Variants in PLEKHH1 observed in about 807,000 individuals in gnomAD.
PLEKHH1 encodes the protein pleckstrin homology domain-containing family H member 1.
In PLEKHH1, 104 loss-of-function variants were observed where a neutral mutation model predicts 160.0. The ratio of observed to expected loss-of-function variants is 0.65; its 90% CI spans 0.55 to 0.76. PLEKHH1 has a LOEUF of 0.76. Ranked by LOEUF, PLEKHH1 falls within the 30% of genes least tolerant of loss-of-function variation. The pLI, the probability that PLEKHH1 is intolerant of heterozygous loss-of-function variation, is 0.00. For synonymous variants in PLEKHH1, 619 were observed against 678.4 expected (o/e 0.91, Z 1.36); for missense variants, 1,427 against 1,724.1 (o/e 0.83, Z 3.05).
intron 2 of PLEKHH1, among the ~76,000 whole-genome samples, chr14:67,544,688 C>G (rs1463770143): frequency 6.6e-6 from 1 of 152,146 alleles, no homozygotes; most frequent in Non-Finnish European, 1.5e-5. Flanking sequence ...GACTTGAAAA[C>G]TAAATAGAAC....
chr14:67,562,223 C>T lies in PLEKHH1; in HGVS notation c.592C>T (p.Gln198Ter). Reference protein sequence around the residue: ...QDSVPSEPGIQPMGQDSGSQA... With the variant: ...QDSVPSEPGI ...TTCTGTCCCTTCAGAGCCGGGAATC[C>T]AGCCTATGGGCCAGGACAGTGGCTC... The change falls in exon 7 of 29, where the codon CAG (glutamine) becomes TAG (stop). Residue 198 changes from glutamine (Q) to a stop codon, truncating the protein, a stop_gained. Coordinates refer to ENST00000329153, the MANE Select transcript of PLEKHH1 (RefSeq NM_020715.3). LOFTEE classifies it high-confidence loss of function. 2 of 1,611,998 alleles carry T rather than the reference C, an allele frequency of 1.2e-6. No homozygotes were observed. The highest frequency in any genetic ancestry group is 1.7e-6 in the Non-Finnish European group (2 of 1,178,994).
intron 2 of PLEKHH1, among the ~76,000 whole-genome samples, chr14:67,550,667 A>T (rs920849811): frequency 3.9e-5 from 6 of 152,188 alleles, no homozygotes; most frequent in African/African-American, 1.4e-4. Flanking sequence ...AGAAAATATA[A>T]TGCTAGTGTG....
rs1439661977 is a variant in PLEKHH1 at position 67,575,988 on chromosome 14, G to C, written c.2335G>C (p.Gly779Arg). The C allele has an allele frequency of 6.2e-7, 1 of 1,612,080 alleles. No individual in the cohort carries two copies. Among genetic ancestry groups the C allele is most frequent in the East Asian group, 2.2e-5 (1 of 44,828 alleles). ...TEHSPTYLLI[G>R]TKHEKDTWLY... ...GCACAGCCCCACCTACCTCCTCATT[G>C]GCACCAAGCATGAAAAGGTAAGGAA... is the stretch of plus-strand genomic sequence containing the variant. The change falls in exon 16 of 29, where the codon GGC becomes CGC. Residue 779 changes from glycine (G) to arginine (R), a missense_variant. Around this residue, in one of 6 missense-constraint regions of PLEKHH1, gnomAD observed 436 missense variants for 607.5 expected, o/e 0.72. Coordinates refer to ENST00000329153, the MANE Select transcript of PLEKHH1 (RefSeq NM_020715.3).
chr14:67,576,015 A>G lies in PLEKHH1; in HGVS notation c.2352+10A>G. 1 of 1,598,482 alleles carries G rather than the reference A, an allele frequency of 6.3e-7. No homozygotes were observed. The highest frequency in any genetic ancestry group is 8.6e-7 in the Non-Finnish European group (1 of 1,168,800). On this transcript the variant is annotated intron_variant, in intron 16 of 28. Coordinates refer to ENST00000329153, the MANE Select transcript of PLEKHH1 (RefSeq NM_020715.3). The surrounding 1 kb of genome is among the most constrained non-coding windows in gnomAD (Gnocchi z 4.0). ...CACCAAGCATGAAAAGGTAAGGAAGAGGGCTGGGCCTCCAGGGCCAAGCTT... is the reference window on the plus strand; with the variant it reads ...CACCAAGCATGAAAAGGTAAGGAAGGGGGCTGGGCCTCCAGGGCCAAGCTT...
Position 67,585,597 on chromosome 14 carries a change from T to G in PLEKHH1, c.3729T>G (p.Ala1243=), listed in dbSNP as rs1244463819. 1 of 1,585,750 alleles carries G rather than the reference T, an allele frequency of 6.3e-7. No individual in the cohort carries two copies. The highest frequency in any genetic ancestry group is 1.2e-5 in the South Asian group (1 of 86,626). The change falls in exon 27 of 29, where the codon GCT becomes GCG. Residue 1243 remains alanine, a synonymous_variant. Coordinates refer to ENST00000329153, the MANE Select transcript of PLEKHH1 (RefSeq NM_020715.3). ...CCCAGCTGTCTTCCAAGGAGAACGC[T>G]CTGGTGTGGATTGCTGTGAATGAGG... is the stretch of plus-strand genomic sequence containing the variant. ...QPAQLSSKEN[A]LVWIAVNEDG...
chr14:67,557,032 C>G (rs549211139), intron 3 of PLEKHH1, among the ~76,000 whole-genome samples: 31 of 152,350 alleles, frequency 2.0e-4, no homozygotes, highest in African/African-American at 6.7e-4. Context: ...CTCCTCTTAC[C>G]TATCTCTCCA....
chr14:67,589,006 T>G lies in PLEKHH1; in HGVS notation c.*1771T>G, dbSNP rs1385741053. 1 of 152,644 alleles carries G rather than the reference T, an allele frequency of 6.6e-6. No individual in the cohort carries two copies. Among genetic ancestry groups the G allele is most frequent in the African/African-American group, 2.4e-5 (1 of 41,448 alleles). The allele number at this position is 152,644 out of a possible 1,614,324, so 9.5% of individuals were successfully genotyped here. A position where few individuals can be genotyped will look rare whatever the true frequency, so the allele number is the denominator to read the frequency against. ...ACAACTTGGGGATCTAGCTGAGACATTTCTACCTCGAACAAGTCACATGTA... is the reference window on the plus strand; with the variant it reads ...ACAACTTGGGGATCTAGCTGAGACAGTTCTACCTCGAACAAGTCACATGTA... On this transcript the variant is annotated 3_prime_UTR_variant, in exon 29 of 29. Transcript: ENST00000329153.
At chr14:67,571,405 G>C (rs1054862031) in intron 9 of PLEKHH1, 2 of 220,030 alleles carry the variant, frequency 9.1e-6, no homozygotes, top group African/African-American at 4.4e-5. Context: ...TTGTTGCGAC[G>C]TCCCCACACA....
intron 26 of PLEKHH1, among the ~76,000 whole-genome samples, chr14:67,584,742 C>T (rs932940335): frequency 7.2e-5 from 11 of 152,224 alleles, no homozygotes; most frequent in Admixed American, 6.5e-4. Context: ...GTGAGAAAAT[C>T]AGACACAGTC....
intron 7 of PLEKHH1, among the ~76,000 whole-genome samples, chr14:67,566,967 G>A (rs1020830533): frequency 2.0e-5 from 3 of 152,126 alleles, no homozygotes; most frequent in South Asian, 2.1e-4. Context: ...AAGGGGCAGC[G>A]TCAGGTCTTC....
chr14:67,552,460 T>A (rs900923194), intron 2 of PLEKHH1, among the ~76,000 whole-genome samples: 2 of 152,222 alleles, frequency 1.3e-5, no homozygotes, highest in Non-Finnish European at 2.9e-5. Context: ...GTGTCAAGTG[T>A]CCTTGCAGGG....
chr14:67,570,125 C>T (rs2035303024), intron 9 of PLEKHH1, 113 bp downstream of exon 9: 3 of 796,534 alleles, frequency 3.8e-6, no homozygotes, highest in Non-Finnish European at 6.2e-6. Context: ...GGTGACCCTG[C>T]CCAGGGAGCT....
At chr14:67,557,874 A>C (rs1228150459) in intron 4 of PLEKHH1, among the ~76,000 whole-genome samples, 1 of 152,204 alleles carries the variant, frequency 6.6e-6, no homozygotes, top group Non-Finnish European at 1.5e-5. Context: ...CCCTGCCAAG[A>C]TGAGATACTT....
At chr14:67,580,512 A>G (rs2035844319) in intron 22 of PLEKHH1, among the ~76,000 whole-genome samples, 1 of 152,222 alleles carries the variant, frequency 6.6e-6, no homozygotes, top group South Asian at 2.1e-4. Flanking sequence ...GTCTTTTAAC[A>G]TTGCCTGGAA....
intron 9 of PLEKHH1, 61 bp from the exon 10 acceptor site, chr14:67,571,691 A>T: frequency 1.3e-6 from 2 of 1,561,416 alleles, no homozygotes; most frequent in African/African-American, 1.4e-5. Flanking sequence ...TGCAAGCTGC[A>T]GGGTTGGGAG....
In PLEKHH1 at chr14:67,588,342, C is replaced by CA. The variant is rs909147047; in HGVS notation, c.*1112dup. ...CTGCTTTTTGCTGCTGTAAGACCAC[C>CA]AAAAATGAGTCAGAAACACAGAAGA... On this transcript the variant is annotated 3_prime_UTR_variant, in exon 29 of 29. Coordinates refer to ENST00000329153, the MANE Select transcript of PLEKHH1 (RefSeq NM_020715.3). 4 of 152,528 alleles carry CA rather than the reference C, an allele frequency of 2.6e-5. No individual in the cohort carries two copies. Among genetic ancestry groups the CA allele is most frequent in the Admixed American group, 6.5e-5 (1 of 15,268 alleles). 9.4% of individuals were successfully genotyped at this position (152,528 alleles called of 1,614,324 possible). A position where few individuals can be genotyped will look rare whatever the true frequency, so the allele number is the denominator to read the frequency against.
At chr14:67,557,092 CCTT>C (rs1441277951) in intron 3 of PLEKHH1, among the ~76,000 whole-genome samples, 174 bp from the exon 4 acceptor site, 1 of 152,200 alleles carries the variant, frequency 6.6e-6, no homozygotes, top group Non-Finnish European at 1.5e-5. Flanking sequence ...CTTTGTCAGT[CCTT>C]CTTTTGCTCA....
At chr14:67,577,940 G>C (rs933110330) in intron 18 of PLEKHH1, 83 bp from the exon 19 acceptor site, 1 of 1,284,124 alleles carries the variant, frequency 7.8e-7, no homozygotes, top group Non-Finnish European at 1.1e-6. Context: ...CCTCCCTGGA[G>C]CCCTTGGAAA....
chr14:67,567,330 T>C (rs1045560371), intron 7 of PLEKHH1, among the ~76,000 whole-genome samples: 2 of 152,208 alleles, frequency 1.3e-5, no homozygotes. Context: ...AAGCCCTTTT[T>C]TCAGTTAATC....
Sources: gnomAD v4.1 joint callset for allele counts (sites outside exome capture counted in the v4.1 genomes callset) on GRCh38, gnomAD v4.1.1 for gene constraint, gnomAD v4.1.1 regional missense constraint, Gnocchi (gnomAD v3.1) non-coding constraint, MANE v1.5 for transcripts, NCBI Gene and HGNC (gene_info 2026-07-23, HGNC 2026-07-21) for gene names.